The following MGRN1 variants were observed in gnomAD, a reference collection of about 807,000 sequenced individuals.
MGRN1 encodes E3 ubiquitin-protein ligase MGRN1.
In MGRN1, 29 loss-of-function variants were observed where a neutral mutation model predicts 69.2. The ratio of observed to expected loss-of-function variants is 0.42; its 90% CI spans 0.31 to 0.57. The LOEUF is 0.57. Ranked by LOEUF, MGRN1 falls within the 20% of genes least tolerant of loss-of-function variation. The pLI, the probability that MGRN1 is intolerant of heterozygous loss-of-function variation, is 0.15. For missense variants in MGRN1, 998 were observed against 796.2 expected (o/e 1.25, Z -3.05); for synonymous variants, 470 against 344.2 (o/e 1.37, Z -4.04).
At chr16:4,641,686 T>C (rs1483856591) in intron 1 of MGRN1, among the ~76,000 whole-genome samples, 1 of 151,934 alleles carries the variant, frequency 6.6e-6, no homozygotes, top group Non-Finnish European at 1.5e-5. Context: ...GCCCAGCTAA[T>C]TTTGCATTTT....
chr16:4,665,871 C>T (rs1208049908), intron 7 of MGRN1, among the ~76,000 whole-genome samples: 1 of 151,804 alleles, frequency 6.6e-6, no homozygotes, highest in East Asian at 1.9e-4. Context: ...GCTCTTTTGC[C>T]CAGGCTGGAG....
intron 1 of MGRN1, among the ~76,000 whole-genome samples, chr16:4,644,752 T>C (rs1330667770): frequency 6.6e-6 from 1 of 152,216 alleles, no homozygotes; most frequent in Non-Finnish European, 1.5e-5. Context: ...ATTCATCACC[T>C]CACAACTTAC....
chr16:4,667,682 G>C (rs1293733782), intron 7 of MGRN1, among the ~76,000 whole-genome samples: 1 of 152,226 alleles, frequency 6.6e-6, no homozygotes, highest in African/African-American at 2.4e-5. Context: ...GTTGTTGCGA[G>C]GTCTCCGATC....
rs764893348 is a variant in MGRN1 at position 4,625,059 on chromosome 16, G to A, written c.88+11G>A. ...ACCCTCCGAAGTCCGGTGAGCGCCC[G>A]GCCCCAGGCGCGGACTGCTAGGCAC... On this transcript the variant is annotated intron_variant, in intron 1 of 16. Transcript: ENST00000262370. The A allele has an allele frequency of 5.9e-6, 9 of 1,533,884 alleles. No homozygotes were observed. In the East Asian group the frequency reaches 2.0e-4, roughly 33 times the overall value.
intron 12 of MGRN1, 146 bp downstream of exon 12, chr16:4,680,243 C>A: frequency 1.3e-6 from 1 of 775,960 alleles, no homozygotes; most frequent in Non-Finnish European, 2.0e-6. Flanking sequence ...GGCCTCCCTG[C>A]CCAGGGAGTT....
chr16:4,673,404 A>C, intron 9 of MGRN1, 94 bp from the exon 10 acceptor site: 1 of 1,480,946 alleles, frequency 6.8e-7, no homozygotes, highest in Non-Finnish European at 9.2e-7. Flanking sequence ...CCCCCAGGGT[A>C]GGGTGGAGTG....
chr16:4,670,278 T>G (rs912918851), intron 8 of MGRN1, among the ~76,000 whole-genome samples: 1 of 152,200 alleles, frequency 6.6e-6, no homozygotes, highest in African/African-American at 2.4e-5. Flanking sequence ...AGTCTCACTC[T>G]GTCGCCGAGG....
At chr16:4,687,264 G>A (rs1352378752) in intron 16 of MGRN1, 19 of 985,240 alleles carry the variant, frequency 1.9e-5, no homozygotes, top group Non-Finnish European at 2.3e-5. Flanking sequence ...TACAGAAGGC[G>A]GCTCTGTCCA....
At position 4,687,524 on chromosome 16, in the gene MGRN1, A is replaced by ACGGGGGG; in HGVS notation, c.1619-1271_1619-1270insGGGGGGC. On this transcript the variant is annotated intron_variant, in intron 16 of 16. Coordinates refer to ENST00000262370, the MANE Select transcript of MGRN1 (RefSeq NM_015246.4). ...ACGCTGTCTCAATAAAAAAAAATAC[A>ACGGGGGG]CACACACCCACCCACCCACTCCAGC... 3.1e-6 allele frequency: 3 copies of ACGGGGGG among 980,830 alleles called. No individual in the cohort carries two copies. In the African/African-American group the frequency reaches 5.4e-5, roughly 18 times the overall value. The allele number at this position is 980,830 out of a possible 1,614,324, so 60.8% of individuals were successfully genotyped here.
intron 16 of MGRN1, chr16:4,688,565 T>G (rs2079387621): frequency 1.6e-5 from 20 of 1,286,386 alleles, no homozygotes; most frequent in Non-Finnish European, 2.0e-5. Flanking sequence ...GCTGTGGGTG[T>G]CCGGGGATCT....
rs1004041277 is a variant in MGRN1 at position 4,689,039 on chromosome 16, G to A, written c.*131G>A. 7.8e-7 allele frequency: 1 copy of A among 1,275,154 alleles called. No individual in the cohort carries two copies. The highest frequency in any genetic ancestry group is 1.5e-5 in the African/African-American group (1 of 66,448). The allele number at this position is 1,275,154 out of a possible 1,614,324, so 79.0% of individuals were successfully genotyped here. On this transcript the variant is annotated 3_prime_UTR_variant, in exon 17 of 17. Coordinates refer to ENST00000262370, the MANE Select transcript of MGRN1 (RefSeq NM_015246.4). ...GGCCACCAGGCTCCGAGGGGCCGTGGTGACTCTTGATCAAAGAGCACAGTG... is the reference window on the plus strand; with the variant it reads ...GGCCACCAGGCTCCGAGGGGCCGTGATGACTCTTGATCAAAGAGCACAGTG...
At chr16:4,680,419 G>A (rs577079875) in intron 12 of MGRN1, 93 of 319,826 alleles carry the variant, frequency 2.9e-4, no homozygotes, top group Admixed American at 1.8e-3. Context: ...CGTCGCTGCT[G>A]CGTTTTGCAA....
Position 4,637,868 on chromosome 16 carries a change from C to T in MGRN1, c.89-12497C>T, listed in dbSNP as rs77934105. Reference sequence around the variant, plus strand: ...AGCCCTGTCTAGGGGGTGGGGGCCACCCTGAGGGTGGTGGAGGCTGTTTCC... The same window carrying T: ...AGCCCTGTCTAGGGGGTGGGGGCCATCCTGAGGGTGGTGGAGGCTGTTTCC... On this transcript the variant is annotated intron_variant, in intron 1 of 16. Transcript: ENST00000262370. Among the ~76,000 whole-genome samples the T allele has an allele frequency of 2.3e-3, 347 of 152,342 alleles. 1 individual carries two copies. Among genetic ancestry groups the T allele is most frequent in the Middle Eastern group, 0.01 (3 of 294 alleles).
In MGRN1 at chr16:4,669,524, A is replaced by G. The variant is rs1264114070; in HGVS notation, c.726+1212A>G. Among the ~76,000 whole-genome samples, 4 of 151,338 alleles carry G rather than the reference A, an allele frequency of 2.6e-5. No individual in the cohort carries two copies. The East Asian group carries it at 5.9e-4, about 22-fold the overall frequency. ...ACGGGTCCCTGTCTTGGGTGAGCAT[A>G]TATGTTTTGCGTGCCCGCCATGTAC... On this transcript the variant is annotated intron_variant, in intron 8 of 16. Coordinates refer to ENST00000262370, the MANE Select transcript of MGRN1 (RefSeq NM_015246.4).
At chr16:4,686,278 C>T in intron 16 of MGRN1, 8 of 1,544,920 alleles carry the variant, frequency 5.2e-6, no homozygotes, top group Non-Finnish European at 7.0e-6. Context: ...CCGACTCCTG[C>T]TCTGTTGGTA....
At chr16:4,686,158 G>A in intron 16 of MGRN1, 1 of 1,366,174 alleles carries the variant, frequency 7.3e-7, no homozygotes, top group Admixed American at 2.2e-5. Flanking sequence ...TTTCTAGACG[G>A]CCTCGACCGT....
At chr16:4,652,510 G>C (rs1294569644) in intron 3 of MGRN1, among the ~76,000 whole-genome samples, 168 bp from the exon 4 acceptor site, 1 of 152,154 alleles carries the variant, frequency 6.6e-6, no homozygotes, top group Non-Finnish European at 1.5e-5. Flanking sequence ...GGCAAGCCCT[G>C]GACCACTGGG....
At position 4,673,362 on chromosome 16, in the gene MGRN1, C is replaced by T. The variant is rs1206355937; in HGVS notation, c.796-136C>T. Reference sequence around the variant, plus strand: ...TGATTCTGCTCTGGGGCAACCTCCCCCTCCCCTCTGGACTTCTCTTTGTCA... The same window carrying T: ...TGATTCTGCTCTGGGGCAACCTCCCTCTCCCCTCTGGACTTCTCTTTGTCA... On this transcript the variant is annotated intron_variant, in intron 9 of 16. Transcript: ENST00000262370. 5 of 1,195,408 alleles carry T rather than the reference C, an allele frequency of 4.2e-6. No individual in the cohort carries two copies. In the African/African-American group the frequency reaches 4.6e-5, roughly 11 times the overall value. The allele number at this position is 1,195,408 out of a possible 1,614,324, so 74.1% of individuals were successfully genotyped here. A position where few individuals can be genotyped will look rare whatever the true frequency, so the allele number is the denominator to read the frequency against.
At position 4,688,800 on chromosome 16, in the gene MGRN1, G is replaced by C. The variant is rs563422124; in HGVS notation, c.1623G>C (p.Arg541=). The change falls in exon 17 of 17, where the codon CGG becomes CGC. Residue 541 remains arginine, a synonymous_variant. Coordinates refer to ENST00000262370, the MANE Select transcript of MGRN1 (RefSeq NM_015246.4). ...GPPADIYLPG[R]PTSMETAHGL... is the part of the protein sequence containing the mutation. ...TCCCTCTGCTCCCACCTGCAGGACG[G>C]CCCACCTCCATGGAGACGGCCCACG... 1.7e-4 allele frequency: 263 copies of C among 1,547,540 alleles called. 2 individuals are homozygous for C. The South Asian group carries it at 3.0e-3, about 18-fold the overall frequency.
Sources: allele counts gnomAD v4.1 joint callset (sites outside exome capture counted in the v4.1 genomes callset), GRCh38; gene constraint gnomAD v4.1.1; transcripts MANE v1.5; gene names NCBI Gene and HGNC (gene_info 2026-07-23, HGNC 2026-07-21).